CASP10: variants seen among roughly 807,000 people sequenced by gnomAD.
The protein encoded by CASP10 is caspase 10.
In CASP10, 41 loss-of-function variants were observed where a neutral mutation model predicts 48.5. The observed-to-expected ratio is 0.85, with a 90% CI of 0.66 to 1.10. The LOEUF (loss-of-function observed/expected upper bound fraction) is 1.10, where lower values mean the gene tolerates loss of function less well. Ranked by LOEUF, CASP10 falls within the 50% of genes least tolerant of loss-of-function variation. CASP10 has a pLI of 0.00. For synonymous variants in CASP10, 232 were observed against 238.4 expected, an observed-to-expected ratio of 0.97 and a Z score of 0.25; for missense variants, 614 against 614.5, an observed-to-expected ratio of 1.00 and a Z score of 0.01.
chr2:201,185,494 C>G (rs1252335427), intron 1 of CASP10, among the ~76,000 whole-genome samples: 1 of 152,286 alleles, frequency 6.6e-6, no homozygotes, highest in African/African-American at 2.4e-5. Flanking sequence ...AACTTTCTCT[C>G]TCTGGGAACA....
intron 7 of CASP10, chr2:201,206,232 C>T (rs901271704): frequency 6.2e-6 from 2 of 324,518 alleles, no homozygotes; most frequent in Non-Finnish European, 1.2e-5. Context: ...GTCATGCATA[C>T]CCTTTGGGTT....
At chr2:201,184,525 C>T (rs1022607653) in intron 1 of CASP10, among the ~76,000 whole-genome samples, 2 of 151,970 alleles carry the variant, frequency 1.3e-5, no homozygotes, top group African/African-American at 2.4e-5. Context: ...GGTTTTACCA[C>T]GTTGCCCAGT....
At position 201,205,957 on chromosome 2, in the gene CASP10, C is replaced by T. The variant is rs148554420; in HGVS notation, c.797C>T (p.Ser266Phe). Residue 266 changes from serine to phenylalanine, a missense_variant, in exon 7 of 10, where the codon TCT becomes TTT. By Grantham distance (155) the Ser-to-Phe change is radical. Transcript: ENST00000286186. ...GGAGCATCTGCTAACACTCTAAACT[C>T]TGAAACCAGCACAAAGGTCTGGATG... The part of the protein sequence containing the change: ...MQGASANTLN[S>F]ETSTKRAAVY... 1.5e-5 allele frequency: 24 copies of T among 1,611,216 alleles called. No individual in the cohort carries two copies. In the African/African-American group the frequency reaches 3.1e-4, roughly 21 times the overall value.
At chr2:201,195,702 G>T (rs949571095) in intron 4 of CASP10, 140 bp from the exon 5 acceptor site, 2 of 668,748 alleles carry the variant, frequency 3.0e-6, no homozygotes, top group African/African-American at 1.8e-5. Flanking sequence ...TTTTTGAGAC[G>T]GACTCCTACT....
At chr2:201,215,804 T>G (rs1359726556) in intron 9 of CASP10, among the ~76,000 whole-genome samples, 1 of 152,160 alleles carries the variant, frequency 6.6e-6, no homozygotes, top group East Asian at 1.9e-4. Context: ...GTAATTTTTT[T>G]GTTTGTTTTT....
chr2:201,211,402 C>A (rs752569243), intron 9 of CASP10, among the ~76,000 whole-genome samples: 1 of 152,214 alleles, frequency 6.6e-6, no homozygotes, highest in Admixed American at 6.5e-5. Flanking sequence ...CTCCTTCTCT[C>A]TCTCATCTTT....
At chr2:201,185,269 A>G (rs1342409297) in intron 1 of CASP10, among the ~76,000 whole-genome samples, 2 of 152,190 alleles carry the variant, frequency 1.3e-5, no homozygotes, top group African/African-American at 2.4e-5. Flanking sequence ...TACAGGTAGC[A>G]GTCTGAAGTT....
chr2:201,221,801 G>A (rs1945726565), downstream of CASP10: 1 of 152,174 alleles, frequency 6.6e-6, no homozygotes, highest in African/African-American at 2.4e-5. Context: ...CTTGTGCAAG[G>A]TTAAATTCTA....
chr2:201,223,675 C>CT (rs1479001066), downstream of CASP10, among the ~76,000 whole-genome samples: 12 of 152,286 alleles, frequency 7.9e-5, no homozygotes, highest in African/African-American at 2.9e-4. Context: ...AATCTTTTAA[C>CT]TTTTTTCTGT....
intron 3 of CASP10, among the ~76,000 whole-genome samples, chr2:201,190,565 C>T (rs888838524): frequency 7.2e-5 from 11 of 152,068 alleles, no homozygotes; most frequent in African/African-American, 2.7e-4. Flanking sequence ...GTTTTCATAA[C>T]ATTCTCTCCC....
chr2:201,205,203 CCT>C (rs1456367916), intron 6 of CASP10, among the ~76,000 whole-genome samples: 1 of 151,558 alleles, frequency 6.6e-6, no homozygotes, highest in Non-Finnish European at 1.5e-5. Context: ...TTCTTTTTCC[CCT>C]CTTTTTTCTT....
intron 5 of CASP10, among the ~76,000 whole-genome samples, chr2:201,198,849 T>C (rs534323663): frequency 6.6e-6 from 1 of 152,320 alleles, no homozygotes; most frequent in African/African-American, 2.4e-5. Flanking sequence ...CTATATTTTA[T>C]TCTTAAAAAT....
chr2:201,188,093 A>G (rs939846396), intron 3 of CASP10, among the ~76,000 whole-genome samples: 2 of 152,186 alleles, frequency 1.3e-5, no homozygotes, highest in African/African-American at 2.4e-5. Context: ...AGCTGGAATA[A>G]TGTTCATGAA....
In CASP10 at chr2:201,185,761, T is replaced by C. The variant is rs750732272; in HGVS notation, c.-7-10T>C. 2 of 1,581,382 alleles carry C rather than the reference T, an allele frequency of 1.3e-6. No individual in the cohort carries two copies. The highest frequency in any genetic ancestry group is 8.7e-7 in the Non-Finnish European group (1 of 1,150,300). On this transcript the variant is annotated splice_polypyrimidine_tract_variant and intron_variant, in intron 1 of 9. Coordinates refer to ENST00000286186, the MANE Select transcript of CASP10 (RefSeq NM_032977.4). ...TCTAACTCCCTGCCCCACCTCTCTGTCCCTTTCAGGCTGGCCATGAAATCT... is the reference window on the plus strand; with the variant it reads ...TCTAACTCCCTGCCCCACCTCTCTGCCCCTTTCAGGCTGGCCATGAAATCT...
intron 5 of CASP10, among the ~76,000 whole-genome samples, chr2:201,202,018 T>G (rs1251768407): frequency 6.6e-6 from 1 of 152,030 alleles, no homozygotes; most frequent in Admixed American, 6.6e-5. Flanking sequence ...ACCCAGCAAA[T>G]TTTTTGTATT....
At position 201,218,722 on chromosome 2, in the gene CASP10, A is replaced by G; in HGVS notation, c.*981A>G. On this transcript the variant is annotated 3_prime_UTR_variant, in exon 10 of 10. Transcript: ENST00000286186. ...AGTTATAATTCTGTGTCCCCTCTGC[A>G]TGCCCTTAAACATTGGACAGTGAGG... 2.0e-6 allele frequency: 2 copies of G among 985,438 alleles called. No individual in the cohort carries two copies. The highest frequency in any genetic ancestry group is 2.4e-6 in the Non-Finnish European group (2 of 829,946). The allele number at this position is 985,438 out of a possible 1,614,324, so 61.0% of individuals were successfully genotyped here.
chr2:201,220,237 A>G lies in CASP10; in HGVS notation c.*2496A>G. The G allele has an allele frequency of 1.4e-6, 1 of 737,190 alleles. No individual in the cohort carries two copies. The allele number at this position is 737,190 out of a possible 1,614,324, so 45.7% of individuals were successfully genotyped here. ...TCCAGTTCCCTTTCTAGCCTCATGCATTTCAAGGAAATCACTTCTTTTCTA... is the reference window on the plus strand; with the variant it reads ...TCCAGTTCCCTTTCTAGCCTCATGCGTTTCAAGGAAATCACTTCTTTTCTA... On this transcript the variant is annotated 3_prime_UTR_variant, in exon 10 of 10. Coordinates refer to ENST00000286186, the MANE Select transcript of CASP10 (RefSeq NM_032977.4).
At chr2:201,197,256 C>T (rs892093059) in intron 5 of CASP10, among the ~76,000 whole-genome samples, 16 of 152,168 alleles carry the variant, frequency 1.1e-4, no homozygotes, top group Non-Finnish European at 2.2e-4. Context: ...AGATTACAGC[C>T]ATGTACCACC....
intron 3 of CASP10, among the ~76,000 whole-genome samples, chr2:201,188,340 C>T (rs1644910631): frequency 6.6e-6 from 1 of 151,948 alleles, no homozygotes; most frequent in African/African-American, 2.4e-5. Context: ...CCACCATGCC[C>T]AGCTAATTTT....
Sources: allele counts gnomAD v4.1 joint callset (sites outside exome capture counted in the v4.1 genomes callset), GRCh38; gene constraint gnomAD v4.1.1; transcripts MANE v1.5; gene names NCBI Gene and HGNC (gene_info 2026-07-23, HGNC 2026-07-21).